C11orf58: variants seen among roughly 807,000 people sequenced by gnomAD.
The protein encoded by C11orf58 is small acidic protein.
Under a neutral mutation model 22.7 loss-of-function variants are expected in C11orf58, and 5 were observed. The observed-to-expected ratio is 0.22, with a 90% CI of 0.12 to 0.46. C11orf58 has a LOEUF of 0.46. Among genes scored for constraint, C11orf58 ranks in the 20% least tolerant of loss-of-function variants. The pLI is 0.99. For missense variants in C11orf58, 151 were observed against 223.3 expected (o/e 0.68, Z 2.06); for synonymous variants, 71 against 70.7 (o/e 1.00, Z -0.02).
At chr11:16,754,128 T>A (rs1019054285) in intron 4 of C11orf58, 11 of 399,708 alleles carry the variant, frequency 2.8e-5, no homozygotes, top group African/African-American at 1.8e-4. Flanking sequence ...TCTCTTTTTA[T>A]ATTATGAATT....
rs1848563488 is a variant in C11orf58, at chr11:16,754,892, G to T, written c.340G>T (p.Gly114Cys). Residue 114 changes from glycine to cysteine, a missense_variant, in exon 5 of 5, where the codon GGT becomes TGT. Coordinates refer to ENST00000228136, the MANE Select transcript of C11orf58 (RefSeq NM_014267.6). Reference sequence around the variant, plus strand: ...TTAGGTAGAAGACCATGATGGAGAAGGTGATGTGGCTGGAGATGATGATGA... The same window carrying T: ...TTAGGTAGAAGACCATGATGGAGAATGTGATGTGGCTGGAGATGATGATGA... ...FSEVEDHDGE[G>C]DVAGDDDDDD... 6.2e-7 allele frequency: 1 copy of T among 1,613,884 alleles called. No homozygotes were observed. The highest frequency in any genetic ancestry group is 1.3e-5 in the African/African-American group (1 of 74,868).
Position 16,754,519 on chromosome 11 carries a change from T to C in C11orf58, c.319-352T>C, listed in dbSNP as rs1405262613. Reference sequence around the variant, plus strand: ...CTAATTTTTTTCTTTTTTCTTTTTTTTTTTTTAGTTTCTCTCTCTCTCTCT... The same window carrying C: ...CTAATTTTTTTCTTTTTTCTTTTTTCTTTTTTAGTTTCTCTCTCTCTCTCT... On this transcript the variant is annotated intron_variant, in intron 4 of 4. Coordinates refer to ENST00000228136, the MANE Select transcript of C11orf58 (RefSeq NM_014267.6). Among the ~76,000 whole-genome samples the C allele has an allele frequency of 9.4e-5, 14 of 148,750 alleles. 1 individual carries two copies. Among genetic ancestry groups the C allele is most frequent in the Admixed American group, 8.1e-4 (12 of 14,882 alleles).
rs1848415753 is a variant in C11orf58, at chr11:16,738,677, T to C, written c.-102T>C. 3.8e-6 allele frequency: 5 copies of C among 1,308,382 alleles called. No individual in the cohort carries two copies. Among genetic ancestry groups the C allele is most frequent in the Non-Finnish European group, 5.5e-6 (5 of 905,686 alleles). The allele number at this position is 1,308,382 out of a possible 1,614,324, so 81.0% of individuals were successfully genotyped here. Reference sequence around the variant, plus strand: ...AGGCCCGGAGGGGCTCTGCGTTCTGTAGTGGCGCTGCTTGGGCCCTTGGCG... The same window carrying C: ...AGGCCCGGAGGGGCTCTGCGTTCTGCAGTGGCGCTGCTTGGGCCCTTGGCG... On this transcript the variant is annotated 5_prime_UTR_variant, in exon 1 of 5. Coordinates refer to ENST00000228136, the MANE Select transcript of C11orf58 (RefSeq NM_014267.6).
Position 16,754,854 on chromosome 11 carries a change from G to A in C11orf58, c.319-17G>A, listed in dbSNP as rs1848563142. 6.2e-7 allele frequency: 1 copy of A among 1,610,282 alleles called. No individual in the cohort carries two copies. The highest frequency in any genetic ancestry group is 8.5e-7 in the Non-Finnish European group (1 of 1,178,632). On this transcript the variant is annotated splice_polypyrimidine_tract_variant and intron_variant, in intron 4 of 4. Coordinates refer to ENST00000228136, the MANE Select transcript of C11orf58 (RefSeq NM_014267.6). Reference sequence around the variant, plus strand: ...CTAATGTTTATTTTTAAAAGAGCCTGTTGATTGATGTTTTAGGTAGAAGAC... The same window carrying A: ...CTAATGTTTATTTTTAAAAGAGCCTATTGATTGATGTTTTAGGTAGAAGAC...
intron 3 of C11orf58, chr11:16,749,590 T>G (rs933843915): frequency 3.9e-5 from 6 of 152,250 alleles, no homozygotes; most frequent in Non-Finnish European, 5.9e-5. Context: ...CAATGGCTTG[T>G]ATGGCCACCT....
At position 16,755,792 on chromosome 11, in the gene C11orf58, T is replaced by A. The variant is rs1314326620; in HGVS notation, c.*688T>A. The A allele has an allele frequency of 1.3e-5, 2 of 152,342 alleles. No homozygotes were observed. Among genetic ancestry groups the A allele is most frequent in the African/African-American group, 4.9e-5 (2 of 41,174 alleles). 9.4% of individuals were successfully genotyped at this position (152,342 alleles called of 1,614,324 possible). A position where few individuals can be genotyped will look rare whatever the true frequency, so the allele number is the denominator to read the frequency against. ...AGAAGAAATTCTCTGATCATTTAGT[T>A]CTGTCTATTTAGAAATATGTAAAAC... is the stretch of plus-strand genomic sequence containing the variant. On this transcript the variant is annotated 3_prime_UTR_variant, in exon 5 of 5. Transcript: ENST00000228136.
At chr11:16,743,868 C>A (rs187780562) in intron 1 of C11orf58, among the ~76,000 whole-genome samples, 1 of 152,016 alleles carries the variant, frequency 6.6e-6, no homozygotes, top group African/African-American at 2.4e-5. Flanking sequence ...AAAATACGCT[C>A]ACTAGGATTC....
At chr11:16,744,385 T>C (rs1399304266) in intron 1 of C11orf58, 2 of 497,258 alleles carry the variant, frequency 4.0e-6, no homozygotes, top group Non-Finnish European at 7.2e-6. Context: ...GACTCAGCTC[T>C]GGCTGTAGGA....
At chr11:16,742,032 G>A (rs530425616) in intron 1 of C11orf58, among the ~76,000 whole-genome samples, 47 of 152,306 alleles carry the variant, frequency 3.1e-4, no homozygotes, top group African/African-American at 1.1e-3. Flanking sequence ...ATGCCAGTCT[G>A]GTCCTGGAGT....
chr11:16,747,571 A>G (rs1383532045), intron 2 of C11orf58: 1 of 152,234 alleles, frequency 6.6e-6, no homozygotes, highest in African/African-American at 2.4e-5. Flanking sequence ...TTAGTAGTTT[A>G]TTGTCAAATA....
chr11:16,744,733 C>T, intron 2 of C11orf58, 49 bp downstream of exon 2: 2 of 1,507,072 alleles, frequency 1.3e-6, no homozygotes, highest in Non-Finnish European at 9.2e-7. Context: ...AAAATATTGC[C>T]ATTTTTATGT....
At chr11:16,738,887 C>T in intron 1 of C11orf58, 46 bp downstream of exon 1, 1 of 1,604,568 alleles carries the variant, frequency 6.2e-7, no homozygotes, top group Non-Finnish European at 8.5e-7. Flanking sequence ...CCTACTAAAG[C>T]CTGGAGTAGG....
chr11:16,753,946 C>A, intron 4 of C11orf58: 2 of 556,912 alleles, frequency 3.6e-6, no homozygotes, highest in South Asian at 2.3e-5. Flanking sequence ...GCGATCTTTC[C>A]GCCTTCCAAA....
chr11:16,740,204 G>A (rs972578146), intron 1 of C11orf58, among the ~76,000 whole-genome samples: 4 of 152,174 alleles, frequency 2.6e-5, no homozygotes, highest in African/African-American at 9.7e-5. Context: ...CTTTAAATGT[G>A]ACTTGATTGC....
At chr11:16,745,903 CTTTGT>C (rs1451875567) in intron 2 of C11orf58, among the ~76,000 whole-genome samples, 1 of 152,064 alleles carries the variant, frequency 6.6e-6, no homozygotes, top group Non-Finnish European at 1.5e-5. Flanking sequence ...AAATTCTGCT[CTTTGT>C]TTTGTTATGC....
At position 16,750,436 on chromosome 11, in the gene C11orf58, G is replaced by A. The variant is rs550892915; in HGVS notation, c.208+2279G>A. On this transcript the variant is annotated intron_variant, in intron 3 of 4. Transcript: ENST00000228136. The stretch of plus-strand genomic sequence containing the variant: ...TGGCTAATCACATTGCTAAAGCTAA[G>A]AAGGCCTTTACTACTGGTGAAGAGT... The A allele has an allele frequency of 5.9e-5, 9 of 152,362 alleles. No homozygotes were observed. The East Asian group carries it at 1.7e-3, about 29-fold the overall frequency. The allele number at this position is 152,362 out of a possible 1,614,324, so 9.4% of individuals were successfully genotyped here. A position where few individuals can be genotyped will look rare whatever the true frequency, so the allele number is the denominator to read the frequency against.
At chr11:16,745,554 A>C (rs1009147535) in intron 2 of C11orf58, among the ~76,000 whole-genome samples, 1 of 152,230 alleles carries the variant, frequency 6.6e-6, no homozygotes, top group Non-Finnish European at 1.5e-5. Flanking sequence ...GTGGATTATC[A>C]TAAAGGTCTT....
chr11:16,755,210 G>A lies in C11orf58; in HGVS notation c.*106G>A, dbSNP rs967919292. 5 of 1,321,680 alleles carry A rather than the reference G, an allele frequency of 3.8e-6. No individual in the cohort carries two copies. Among genetic ancestry groups the A allele is most frequent in the Non-Finnish European group, 5.2e-6 (5 of 969,474 alleles). The allele number at this position is 1,321,680 out of a possible 1,614,324, so 81.9% of individuals were successfully genotyped here. On this transcript the variant is annotated 3_prime_UTR_variant, in exon 5 of 5. Transcript: ENST00000228136. ...CCTTTGTATTATAATTTTTAAAAAGGCCCTTTTAAATAATTACAAAGAGTG... is the reference window on the plus strand; with the variant it reads ...CCTTTGTATTATAATTTTTAAAAAGACCCTTTTAAATAATTACAAAGAGTG...
intron 4 of C11orf58, chr11:16,753,960 C>T (rs972296540): frequency 5.4e-6 from 3 of 551,774 alleles, no homozygotes; most frequent in Non-Finnish European, 1.0e-5. Context: ...TTCCAAAGTG[C>T]TGGAACTACA....
Sources: allele counts gnomAD v4.1 joint callset (sites outside exome capture counted in the v4.1 genomes callset), GRCh38; gene constraint gnomAD v4.1.1; transcripts MANE v1.5; gene names NCBI Gene and HGNC (gene_info 2026-07-23, HGNC 2026-07-21).